The following PSEN1 variants were observed in gnomAD, a reference collection of about 807,000 sequenced individuals.
PSEN1 encodes the protein presenilin-1.
A neutral mutation model predicts 53.5 loss-of-function variants in PSEN1; 15 were observed. The observed-to-expected ratio is 0.28, with a 90% confidence interval of 0.19 to 0.43. The LOEUF (loss-of-function observed/expected upper bound fraction) is 0.43, where lower values mean the gene tolerates loss of function less well. Among genes scored for constraint, PSEN1 ranks in the 20% least tolerant of loss-of-function variants. The pLI is 1.00. For synonymous variants in PSEN1, 208 were observed against 209.8 expected (o/e 0.99, Z 0.08); for missense variants, 387 against 571.2 (o/e 0.68, Z 3.29).
chr14:73,197,964 C>T (rs987089590), intron 7 of PSEN1, 67 bp from the exon 8 acceptor site: 1 of 870,260 alleles, frequency 1.1e-6, no homozygotes, highest in Admixed American at 1.8e-5. Context: ...TAATTCCTCC[C>T]TACCACCCAT....
intron 5 of PSEN1, among the ~76,000 whole-genome samples, chr14:73,184,988 TC>T (rs1408436402): frequency 3.6e-5 from 5 of 140,774 alleles, no homozygotes; most frequent in African/African-American, 1.4e-4. Flanking sequence ...GCAGAGGCGC[TC>T]CCCACATCTC....
intron 6 of PSEN1, among the ~76,000 whole-genome samples, chr14:73,191,281 GCATAAATGGGAT>G (rs1898703364): frequency 6.6e-6 from 1 of 151,988 alleles, no homozygotes; most frequent in African/African-American, 2.4e-5. Context: ...ACACTACTTT[GCATAAATGGGAT>G]CATAAATGGG....
chr14:73,202,533 C>T (rs1291218176), intron 8 of PSEN1, among the ~76,000 whole-genome samples: 2 of 116,342 alleles, frequency 1.7e-5, no homozygotes, highest in Non-Finnish European at 3.3e-5. Flanking sequence ...AGTGCAGTAG[C>T]GTGATCTCGA....
At chr14:73,153,072 C>G (rs771631822) in intron 3 of PSEN1, among the ~76,000 whole-genome samples, 1 of 151,940 alleles carries the variant, frequency 6.6e-6, no homozygotes, top group Non-Finnish European at 1.5e-5. Context: ...AGACAAAAAG[C>G]AAACCTATGA....
intron 5 of PSEN1, 179 bp downstream of exon 5, chr14:73,173,886 G>A: frequency 1.3e-6 from 1 of 778,866 alleles, no homozygotes; most frequent in Non-Finnish European, 2.2e-6. Flanking sequence ...AAGGAAGCCA[G>A]GTGCATGTGT....
At chr14:73,198,520 G>GA (rs771910895) in intron 8 of PSEN1, among the ~76,000 whole-genome samples, 3 of 152,060 alleles carry the variant, frequency 2.0e-5, no homozygotes, top group Non-Finnish European at 2.9e-5. Flanking sequence ...CCGTGCCTTT[G>GA]TAAGCTGGCA....
chr14:73,217,303 A>C (rs1899958703), intron 11 of PSEN1, 59 bp downstream of exon 11: 2 of 1,592,660 alleles, frequency 1.3e-6, no homozygotes, highest in South Asian at 2.2e-5. Context: ...TTGATTACAC[A>C]GTCCCTTTAA....
At chr14:73,184,196 C>T (rs1165272569) in intron 5 of PSEN1, among the ~76,000 whole-genome samples, 3 of 61,644 alleles carry the variant, frequency 4.9e-5, no homozygotes, top group African/African-American at 2.1e-4. Context: ...GCTGGCCGGG[C>T]GGGGGGCTGA....
At chr14:73,191,817 G>C (rs533690128) in intron 6 of PSEN1, among the ~76,000 whole-genome samples, 30 of 152,172 alleles carry the variant, frequency 2.0e-4, no homozygotes, top group Admixed American at 1.2e-3. Context: ...CAAATTGCTG[G>C]GATTAGAGTG....
In PSEN1 at chr14:73,220,731, C is replaced by T. The variant is rs1232350853; in HGVS notation, c.*1442C>T. 1 of 152,122 alleles carries T rather than the reference C, an allele frequency of 6.6e-6. No homozygotes were observed. Among genetic ancestry groups the T allele is most frequent in the African/African-American group, 2.4e-5 (1 of 41,402 alleles). The allele number at this position is 152,122 out of a possible 1,614,324, so 9.4% of individuals were successfully genotyped here. ...CGCGTTACCTTTCCTCTCAATGTAC[C>T]TTTGTGTGAACTGGGCAGTGGAGGT... On this transcript the variant is annotated 3_prime_UTR_variant, in exon 12 of 12. Coordinates refer to ENST00000324501, the MANE Select transcript of PSEN1 (RefSeq NM_000021.4).
At chr14:73,189,593 CAA>C (rs901620077) in intron 6 of PSEN1, among the ~76,000 whole-genome samples, 3 of 152,066 alleles carry the variant, frequency 2.0e-5, no homozygotes, top group South Asian at 2.1e-4. Flanking sequence ...ACCTGGGCAA[CAA>C]GAGTGAAACT....
At chr14:73,168,493 G>T (rs1303989278) in intron 3 of PSEN1, 1 of 152,218 alleles carries the variant, frequency 6.6e-6, no homozygotes, top group Non-Finnish European at 1.5e-5. Flanking sequence ...GAGTGTTGGT[G>T]ATACAAGTGG....
intron 7 of PSEN1, among the ~76,000 whole-genome samples, chr14:73,193,613 A>G (rs1898817457): frequency 6.6e-6 from 1 of 151,678 alleles, no homozygotes; most frequent in Non-Finnish European, 1.5e-5. Flanking sequence ...AAAATGCTCA[A>G]TTCATTTTTT....
intron 5 of PSEN1, among the ~76,000 whole-genome samples, chr14:73,180,283 C>G (rs139392169): frequency 7.9e-5 from 12 of 152,330 alleles, no homozygotes; most frequent in Admixed American, 2.6e-4. Flanking sequence ...CCACGCCCAG[C>G]CTTATCCTTC....
chr14:73,154,423 T>C (rs929185087), intron 3 of PSEN1, among the ~76,000 whole-genome samples: 6 of 131,778 alleles, frequency 4.6e-5, no homozygotes, highest in African/African-American at 1.3e-4. Flanking sequence ...CATAGCACGA[T>C]CTTGTCTCTA....
chr14:73,148,874 A>G (rs1566617957), intron 3 of PSEN1, among the ~76,000 whole-genome samples: 1 of 152,144 alleles, frequency 6.6e-6, no homozygotes, highest in African/African-American at 2.4e-5. Context: ...TGGAGGTTAC[A>G]GTGAGCTGAC....
At chr14:73,196,474 A>ATTTTT (rs35294154) in intron 7 of PSEN1, among the ~76,000 whole-genome samples, 14 of 102,278 alleles carry the variant, frequency 1.4e-4, no homozygotes, top group African/African-American at 3.5e-4. Flanking sequence ...GAGGCATGAA[A>ATTTTT]TTTTTTTTTT....
Position 73,222,523 on chromosome 14 carries a change from A to G in PSEN1, c.*3234A>G, listed in dbSNP as rs1257299291. On this transcript the variant is annotated 3_prime_UTR_variant, in exon 12 of 12. Coordinates refer to ENST00000324501, the MANE Select transcript of PSEN1 (RefSeq NM_000021.4). ...TTGATCCCAACCCCCAAGGCTTTGT[A>G]TATTTGATCATTTGTGATCTAACCC... The G allele has an allele frequency of 6.6e-6, 1 of 152,190 alleles. No individual in the cohort carries two copies. The highest frequency in any genetic ancestry group is 1.5e-5 in the Non-Finnish European group (1 of 68,028). 9.4% of individuals were successfully genotyped at this position (152,190 alleles called of 1,614,324 possible).
intron 11 of PSEN1, among the ~76,000 whole-genome samples, chr14:73,217,893 AT>A (rs1317398487): frequency 6.9e-6 from 1 of 144,646 alleles, no homozygotes; most frequent in African/African-American, 2.6e-5. Context: ...GATTTAAGTG[AT>A]TCTCTGCCTC....
Sources: gnomAD v4.1 joint callset for allele counts (sites outside exome capture counted in the v4.1 genomes callset) on GRCh38, gnomAD v4.1.1 for gene constraint, MANE v1.5 for transcripts, NCBI Gene and HGNC (gene_info 2026-07-23, HGNC 2026-07-21) for gene names.